The following RAP1B variants were observed in gnomAD, a reference collection of about 807,000 sequenced individuals.
RAP1B encodes the protein RAP1B, member of RAS oncogene family.
RAP1B carries 1 observed loss-of-function variant against 27.5 expected under a neutral mutation model. The ratio of observed to expected loss-of-function variants is 0.04; its 90% CI spans 0.01 to 0.17. RAP1B has a LOEUF of 0.17. RAP1B is among the 10% of genes least tolerant of loss of function. The pLI is 1.00. For missense variants in RAP1B, 84 were observed against 214.8 expected (o/e 0.39, Z 3.81); for synonymous variants, 75 against 73.1 (o/e 1.03, Z -0.13).
At chr12:68,624,200 C>CT (rs1393137009) in intron 1 of RAP1B, among the ~76,000 whole-genome samples, 1 of 152,164 alleles carries the variant, frequency 6.6e-6, no homozygotes, top group Non-Finnish European at 1.5e-5. Flanking sequence ...GAATGCAGTG[C>CT]TGAGGGTGAT....
rs966349191 is a variant in RAP1B, at chr12:68,661,567, T to G, written c.*2318T>G. 2.0e-5 allele frequency: 3 copies of G among 152,028 alleles called. No individual in the cohort carries two copies. Among genetic ancestry groups the G allele is most frequent in the African/African-American group, 7.2e-5 (3 of 41,386 alleles). 9.4% of individuals were successfully genotyped at this position (152,028 alleles called of 1,614,324 possible). Reference sequence around the variant, plus strand: ...CTCAGCACTATTGATGTTTTATGTTTGATAATGTATTCTGGCGACTCTCCT... The same window carrying G: ...CTCAGCACTATTGATGTTTTATGTTGGATAATGTATTCTGGCGACTCTCCT... On this transcript the variant is annotated 3_prime_UTR_variant, in exon 8 of 8. Transcript: ENST00000250559.
intron 2 of RAP1B, 41 bp downstream of exon 2, chr12:68,648,822 C>A (rs748550782): frequency 7.2e-6 from 11 of 1,538,266 alleles, no homozygotes; most frequent in Non-Finnish European, 7.9e-6. Context: ...CACTCCAAGA[C>A]GTTCTTTTTC....
At chr12:68,642,025 TC>T (rs1178110721) in intron 1 of RAP1B, among the ~76,000 whole-genome samples, 1 of 152,206 alleles carries the variant, frequency 6.6e-6, no homozygotes, top group Admixed American at 6.5e-5. Flanking sequence ...AACATTAAGT[TC>T]ATTTCGCATA....
At chr12:68,635,956 G>A (rs1006130341) in intron 1 of RAP1B, among the ~76,000 whole-genome samples, 3 of 151,772 alleles carry the variant, frequency 2.0e-5, no homozygotes, top group African/African-American at 7.3e-5. Flanking sequence ...TCTACTTACT[G>A]CAAATTCCGC....
chr12:68,657,407 T>G (rs1001201807), intron 7 of RAP1B, 190 bp downstream of exon 7: 1 of 397,268 alleles, frequency 2.5e-6, no homozygotes, highest in Non-Finnish European at 4.5e-6. Context: ...GTATTTCACA[T>G]AAGTATTCTT....
intron 1 of RAP1B, among the ~76,000 whole-genome samples, chr12:68,632,229 C>T (rs1332611014): frequency 2.0e-5 from 3 of 150,820 alleles, no homozygotes; most frequent in Non-Finnish European, 4.4e-5. Flanking sequence ...CCTCCGCCTC[C>T]CAGGTTCAAT....
chr12:68,664,064 A>C lies in RAP1B; in HGVS notation c.*4815A>C, dbSNP rs1021314770. 2.0e-5 allele frequency: 3 copies of C among 152,226 alleles called. No individual in the cohort carries two copies. The highest frequency in any genetic ancestry group is 7.2e-5 in the African/African-American group (3 of 41,458). The allele number at this position is 152,226 out of a possible 1,614,324, so 9.4% of individuals were successfully genotyped here. A position where few individuals can be genotyped will look rare whatever the true frequency, so the allele number is the denominator to read the frequency against. ...TGTTGTTTTACTATGAACCTAGTTT[A>C]ACCTGACTTTCCTTACAGACCCACA... On this transcript the variant is annotated 3_prime_UTR_variant, in exon 8 of 8. Coordinates refer to ENST00000250559, the MANE Select transcript of RAP1B (RefSeq NM_001010942.3).
intron 1 of RAP1B, among the ~76,000 whole-genome samples, chr12:68,612,786 A>G (rs1358102168): frequency 6.6e-6 from 1 of 152,052 alleles, no homozygotes; most frequent in Non-Finnish European, 1.5e-5. Context: ...TGTGCTTTTA[A>G]TGTGTACTAC....
chr12:68,625,717 G>A (rs771979911), intron 1 of RAP1B, among the ~76,000 whole-genome samples: 19 of 152,060 alleles, frequency 1.2e-4, no homozygotes, highest in Admixed American at 4.6e-4. Context: ...TCGAGAGATC[G>A]ATACCATCCT....
intron 1 of RAP1B, among the ~76,000 whole-genome samples, chr12:68,632,294 C>T (rs551568384): frequency 1.1e-4 from 16 of 151,854 alleles, no homozygotes; most frequent in African/African-American, 2.4e-4. Flanking sequence ...TGAACATACC[C>T]GGCTAACTTT....
intron 1 of RAP1B, among the ~76,000 whole-genome samples, chr12:68,614,661 A>C (rs886273393): frequency 6.6e-6 from 1 of 152,204 alleles, no homozygotes; most frequent in Non-Finnish European, 1.5e-5. Context: ...AGTTTTTGTT[A>C]GCCTTTTCAA....
rs1051010433 is a variant in RAP1B, at chr12:68,661,727, T to G, written c.*2478T>G. ...TTGGATTGTTGGGGGACAAGGGAGGTGAACTTGGAGGGCAAAATCACCCTG... is the reference window on the plus strand; with the variant it reads ...TTGGATTGTTGGGGGACAAGGGAGGGGAACTTGGAGGGCAAAATCACCCTG... On this transcript the variant is annotated 3_prime_UTR_variant, in exon 8 of 8. Transcript: ENST00000250559. 1.3e-5 allele frequency: 2 copies of G among 151,266 alleles called. No individual in the cohort carries two copies. Among genetic ancestry groups the G allele is most frequent in the Non-Finnish European group, 2.9e-5 (2 of 67,888 alleles). The allele number at this position is 151,266 out of a possible 1,614,324, so 9.4% of individuals were successfully genotyped here.
chr12:68,624,815 AAAC>A (rs774009280), intron 1 of RAP1B: 11 of 152,326 alleles, frequency 7.2e-5, no homozygotes, highest in African/African-American at 1.9e-4. Context: ...ACTCCGTCTC[AAAC>A]AACAACAACA....
intron 1 of RAP1B, among the ~76,000 whole-genome samples, chr12:68,634,410 A>G (rs1416162673): frequency 6.6e-6 from 1 of 152,200 alleles, no homozygotes; most frequent in East Asian, 1.9e-4. Flanking sequence ...TAAAGCCTAT[A>G]CTGAGTCAGT....
At chr12:68,625,131 T>G (rs1871660820) in intron 1 of RAP1B, among the ~76,000 whole-genome samples, 1 of 152,256 alleles carries the variant, frequency 6.6e-6, no homozygotes, top group Non-Finnish European at 1.5e-5. Context: ...GGAGCTACTT[T>G]AAGTACTTGC....
rs1460155384 is a variant in RAP1B at position 68,662,350 on chromosome 12, CA to C, written c.*3102del. 1 of 152,004 alleles carries C rather than the reference CA, an allele frequency of 6.6e-6. No individual in the cohort carries two copies. Among genetic ancestry groups the C allele is most frequent in the Non-Finnish European group, 1.5e-5 (1 of 67,972 alleles). 9.4% of individuals were successfully genotyped at this position (152,004 alleles called of 1,614,324 possible). A position where few individuals can be genotyped will look rare whatever the true frequency, so the allele number is the denominator to read the frequency against. ...GAAAATCAGAGTGGTCTTTCACTTA[CA>C]TTTTTCTAAAAAGTGTAAAAACCCT... On this transcript the variant is annotated 3_prime_UTR_variant, in exon 8 of 8. Transcript: ENST00000250559.
intron 1 of RAP1B, among the ~76,000 whole-genome samples, chr12:68,615,723 C>G (rs1870936257): frequency 6.6e-6 from 1 of 151,938 alleles, no homozygotes; most frequent in South Asian, 2.1e-4. Flanking sequence ...AAACCATTTC[C>G]TAAAGCTTAC....
At chr12:68,628,180 C>G (rs1025540122) in intron 1 of RAP1B, among the ~76,000 whole-genome samples, 1 of 152,108 alleles carries the variant, frequency 6.6e-6, no homozygotes, top group East Asian at 1.9e-4. Flanking sequence ...AGTACTTGAC[C>G]TAGGCCCCAC....
chr12:68,628,905 C>G (rs1175892498), intron 1 of RAP1B, among the ~76,000 whole-genome samples: 2 of 152,218 alleles, frequency 1.3e-5, no homozygotes, highest in Non-Finnish European at 2.9e-5. Flanking sequence ...TTGGACAGCA[C>G]TAGTCTGGAT....
Sources: gnomAD v4.1 joint callset for allele counts (sites outside exome capture counted in the v4.1 genomes callset) on GRCh38, gnomAD v4.1.1 for gene constraint, MANE v1.5 for transcripts, NCBI Gene and HGNC (gene_info 2026-07-23, HGNC 2026-07-21) for gene names.